NCKAP5: variants seen among roughly 807,000 people sequenced by gnomAD.
NCKAP5 encodes the protein nck-associated protein 5.
In NCKAP5, 92 loss-of-function variants were observed where a neutral mutation model predicts 167.0. The ratio of observed to expected loss-of-function variants is 0.55; its 90% CI spans 0.47 to 0.66. The LOEUF (loss-of-function observed/expected upper bound fraction) is 0.66. NCKAP5 is among the 30% of genes least tolerant of loss of function. NCKAP5 has a pLI of 0.00. For missense variants in NCKAP5, 2,378 were observed against 2,315.0 expected (o/e 1.03, Z -0.56); for synonymous variants, 891 against 877.4 (o/e 1.02, Z -0.27).
At chr2:133,149,835 AT>A (rs1428764898) in intron 5 of NCKAP5, among the ~76,000 whole-genome samples, 2 of 152,052 alleles carry the variant, frequency 1.3e-5, no homozygotes, top group Non-Finnish European at 2.9e-5. Flanking sequence ...AAATCATTCT[AT>A]TTTGTGTCTC....
chr2:133,402,427 G>A (rs144492274), intron 3 of NCKAP5, among the ~76,000 whole-genome samples: 3 of 152,216 alleles, frequency 2.0e-5, no homozygotes, highest in Non-Finnish European at 2.9e-5. Context: ...AAGAGATAGA[G>A]GTCACAGGTA....
At chr2:133,225,358 T>C (rs1256802574) in intron 4 of NCKAP5, among the ~76,000 whole-genome samples, 1 of 152,184 alleles carries the variant, frequency 6.6e-6, no homozygotes, top group Non-Finnish European at 1.5e-5. Flanking sequence ...CGACTTTCAA[T>C]TATCTATGCC....
intron 5 of NCKAP5, among the ~76,000 whole-genome samples, chr2:133,179,743 A>G (rs906858447): frequency 6.6e-6 from 1 of 152,194 alleles, no homozygotes; most frequent in African/African-American, 2.4e-5. Context: ...CAATCGTAGC[A>G]TGGAGGTGCA....
intron 8 of NCKAP5, among the ~76,000 whole-genome samples, chr2:132,925,905 A>G (rs1335457111): frequency 6.6e-6 from 1 of 152,206 alleles, no homozygotes; most frequent in African/African-American, 2.4e-5. Context: ...AATTTTACGA[A>G]TTTAGGGGGT....
chr2:132,984,565 G>T (rs528631647), intron 7 of NCKAP5, among the ~76,000 whole-genome samples: 79 of 152,282 alleles, frequency 5.2e-4, no homozygotes, highest in African/African-American at 1.9e-3. Flanking sequence ...TCATCGCCAT[G>T]CTGTGCTCGC....
chr2:133,140,488 T>C (rs2082956788), intron 5 of NCKAP5, among the ~76,000 whole-genome samples: 1 of 152,168 alleles, frequency 6.6e-6, no homozygotes, highest in Admixed American at 6.6e-5. Context: ...CGTTGTTCTC[T>C]GTTATGGAGG....
At chr2:133,063,890 C>A (rs1205788382) in intron 6 of NCKAP5, among the ~76,000 whole-genome samples, 1 of 152,152 alleles carries the variant, frequency 6.6e-6, no homozygotes, top group Non-Finnish European at 1.5e-5. Flanking sequence ...TAGGAAAAAA[C>A]CGTTAACATC....
At chr2:132,714,889 T>C (rs139462445) in intron 19 of NCKAP5, 386 of 456,264 alleles carry the variant, frequency 8.5e-4, no homozygotes, top group African/African-American at 7.2e-3. Context: ...GTTATGGGCA[T>C]TTCTAACATA....
intron 6 of NCKAP5, among the ~76,000 whole-genome samples, chr2:132,995,140 A>G (rs151105372): frequency 6.6e-6 from 1 of 152,288 alleles, no homozygotes; most frequent in African/African-American, 2.4e-5. Flanking sequence ...TGTACACTCT[A>G]AACACTGCAA....
intron 4 of NCKAP5, among the ~76,000 whole-genome samples, chr2:133,222,296 TAAACATA>T (rs2086691486): frequency 6.6e-6 from 1 of 152,140 alleles, no homozygotes; most frequent in African/African-American, 2.4e-5. Flanking sequence ...CAGGTTAACA[TAAACATA>T]ATTATAAAAT....
intron 3 of NCKAP5, among the ~76,000 whole-genome samples, chr2:133,394,490 A>C (rs1356977941): frequency 1.3e-5 from 2 of 152,192 alleles, no homozygotes; most frequent in African/African-American, 4.8e-5. Context: ...AAGACCTAGA[A>C]CCAGCAAGAA....
At chr2:133,017,072 A>T (rs947877365) in intron 6 of NCKAP5, among the ~76,000 whole-genome samples, 2 of 152,210 alleles carry the variant, frequency 1.3e-5, no homozygotes, top group Non-Finnish European at 2.9e-5. Context: ...ATTTTTATTT[A>T]TATGATCATT....
chr2:133,103,109 G>A (rs1438891011), intron 6 of NCKAP5, among the ~76,000 whole-genome samples: 1 of 151,990 alleles, frequency 6.6e-6, no homozygotes, highest in Non-Finnish European at 1.5e-5. Context: ...CTTTCCCTTA[G>A]CAATCTCATT....
At chr2:133,144,690 TC>T (rs1457006787) in intron 5 of NCKAP5, among the ~76,000 whole-genome samples, 4 of 152,164 alleles carry the variant, frequency 2.6e-5, no homozygotes, top group Admixed American at 1.3e-4. Context: ...CTTTTATCTA[TC>T]CCTGTGTGAT....
chr2:132,843,625 C>A lies in NCKAP5; in HGVS notation c.807+16867G>T, dbSNP rs1460547058. Among the ~76,000 whole-genome samples, 2 of 151,754 alleles carry A rather than the reference C, an allele frequency of 1.3e-5. 1 individual carries two copies. The highest frequency in any genetic ancestry group is 6.8e-3 in the Middle Eastern group (2 of 292). ...TAATAAAAAAACTCCTATTCTCTAA[C>A]CCAATATGGCAATCTCCAATGGCTT... On this transcript the variant is annotated intron_variant, in intron 11 of 19. Transcript: ENST00000409261.
chr2:133,137,406 T>TTGTGTGTGTGTGTGTGTGTGTGTGTG (rs58955655), intron 5 of NCKAP5, among the ~76,000 whole-genome samples: 1 of 136,204 alleles, frequency 7.3e-6, no homozygotes, highest in Non-Finnish European at 1.6e-5. Context: ...GAGCTTGGTT[T>TTGTGTGTGTGTGTGTGTGTGTGTGTG]TGTGTGTGTG....
Position 132,806,096 on chromosome 2 carries a change from T to A in NCKAP5, c.808-9367A>T, listed in dbSNP as rs1685411782. ...CCAATCTCATCCAGGTCACTGCAAA[T>A]GCTGTTAATTCGTTCCTTTTTATGG... On this transcript the variant is annotated intron_variant, in intron 11 of 19. Coordinates refer to ENST00000409261, the MANE Select transcript of NCKAP5 (RefSeq NM_207363.3). 2.0e-5 allele frequency among the ~76,000 whole-genome samples: 3 copies of A among 152,304 alleles called. No homozygotes were observed. The South Asian group carries it at 6.2e-4, about 32-fold the overall frequency.
chr2:133,213,284 T>G (rs1174652039), intron 5 of NCKAP5, among the ~76,000 whole-genome samples: 1 of 152,178 alleles, frequency 6.6e-6, no homozygotes, highest in African/African-American at 2.4e-5. Flanking sequence ...TTGCAAATAG[T>G]GAAGAGAAGG....
chr2:133,340,653 A>T (rs1053901212), intron 3 of NCKAP5, among the ~76,000 whole-genome samples: 5 of 152,210 alleles, frequency 3.3e-5, no homozygotes, highest in African/African-American at 1.2e-4. Context: ...TGAGGTAATG[A>T]ATGCCCTATA....
Sources: allele counts gnomAD v4.1 joint callset (sites outside exome capture counted in the v4.1 genomes callset), GRCh38; gene constraint gnomAD v4.1.1; transcripts MANE v1.5; gene names NCBI Gene and HGNC (gene_info 2026-07-23, HGNC 2026-07-21).